PTPRN2: variants seen among roughly 807,000 people sequenced by gnomAD.
PTPRN2 encodes receptor-type tyrosine-protein phosphatase N2.
PTPRN2 carries 74 observed loss-of-function variants against 118.8 expected under a neutral mutation model. The ratio of observed to expected loss-of-function variants is 0.62; its 90% confidence interval spans 0.52 to 0.76. The LOEUF is 0.76. PTPRN2 is among the 30% of genes least tolerant of loss of function. The probability of loss-of-function intolerance (pLI) is 0.00; values close to 1 mark genes in which losing one functional copy is unlikely to be tolerated. For synonymous variants in PTPRN2, 641 were observed against 608.0 expected (o/e 1.05, Z -0.80); for missense variants, 1,481 against 1,394.4 (o/e 1.06, Z -0.99).
intron 11 of PTPRN2, among the ~76,000 whole-genome samples, chr7:157,916,670 C>A (rs569399723): frequency 1.3e-5 from 2 of 152,350 alleles, no homozygotes; most frequent in South Asian, 2.1e-4. Context: ...TAAGCGTGGC[C>A]TCGAGGAGAT....
At chr7:158,480,905 C>T (rs372823667) in intron 2 of PTPRN2, among the ~76,000 whole-genome samples, 1 of 152,256 alleles carries the variant, frequency 6.6e-6, no homozygotes, top group East Asian at 1.9e-4. Flanking sequence ...CATAACATAA[C>T]AGTGTAAGGT....
chr7:157,950,537 A>T (rs1222849803), intron 11 of PTPRN2, among the ~76,000 whole-genome samples: 2 of 151,870 alleles, frequency 1.3e-5, no homozygotes, highest in Non-Finnish European at 2.9e-5. Context: ...CAGATATGTA[A>T]TGGGTTATTT....
intron 4 of PTPRN2, among the ~76,000 whole-genome samples, chr7:158,200,040 T>A (rs1826511880): frequency 6.6e-6 from 1 of 151,706 alleles, no homozygotes; most frequent in African/African-American, 2.4e-5. Context: ...CGAGCCACAA[T>A]CCACGTATGA....
intron 3 of PTPRN2, among the ~76,000 whole-genome samples, chr7:158,307,402 GA>G (rs952501880): frequency 6.7e-6 from 1 of 149,938 alleles, no homozygotes; most frequent in East Asian, 2.0e-4. Flanking sequence ...CTGAGGAACA[GA>G]AAAAAAAAGA....
At chr7:158,501,080 T>C (rs1822326016) in intron 1 of PTPRN2, among the ~76,000 whole-genome samples, 1 of 152,248 alleles carries the variant, frequency 6.6e-6, no homozygotes, top group Admixed American at 6.5e-5. Flanking sequence ...GTAATGGGAA[T>C]GTTATCAGCT....
intron 21 of PTPRN2, among the ~76,000 whole-genome samples, chr7:157,563,739 C>T (rs1585037005): frequency 6.8e-6 from 1 of 147,334 alleles, no homozygotes; most frequent in Admixed American, 6.7e-5. Flanking sequence ...GGACCACGTG[C>T]TCCCACATCA....
intron 2 of PTPRN2, among the ~76,000 whole-genome samples, chr7:158,361,969 T>TCC: frequency 6.6e-6 from 1 of 152,176 alleles, no homozygotes; most frequent in East Asian, 1.9e-4. Context: ...TCTCCTCCCT[T>TCC]CGTTTCTTGG....
In PTPRN2 at chr7:158,165,217, C is replaced by G. The variant is rs532169469; in HGVS notation, c.910+1714G>C. On this transcript the variant is annotated intron_variant, in intron 6 of 22. Transcript: ENST00000389418. ...GAGGCAGTGAAGACCCTGATGGTGT[C>G]TAGTACCCACGCAAGTGCAGGAGGC... Among the ~76,000 whole-genome samples, 17 of 152,320 alleles carry G rather than the reference C, an allele frequency of 1.1e-4. 3 individuals are homozygous for G. Among genetic ancestry groups the G allele is most frequent in the African/African-American group, 3.1e-4 (13 of 41,570 alleles).
chr7:158,358,028 C>T (rs953886380), intron 2 of PTPRN2, among the ~76,000 whole-genome samples: 13 of 152,186 alleles, frequency 8.5e-5, no homozygotes, highest in African/African-American at 3.1e-4. Context: ...TCTCTCTGGC[C>T]CTCCCACAAG....
At chr7:158,320,518 G>A (rs1016169026) in intron 2 of PTPRN2, among the ~76,000 whole-genome samples, 2 of 57,382 alleles carry the variant, frequency 3.5e-5, no homozygotes, top group Non-Finnish European at 8.0e-5. Flanking sequence ...ATCCTCAGCA[G>A]CGCCAGGTGG....
At chr7:157,840,291 GTGAC>G (rs1808307055) in intron 12 of PTPRN2, among the ~76,000 whole-genome samples, 1 of 137,584 alleles carries the variant, frequency 7.3e-6, no homozygotes, top group South Asian at 2.9e-4. Flanking sequence ...GTGTGACCGT[GTGAC>G]TGTGTGACTG....
chr7:158,267,976 G>A (rs1020688888), intron 3 of PTPRN2, among the ~76,000 whole-genome samples: 8 of 152,166 alleles, frequency 5.3e-5, no homozygotes, highest in Non-Finnish European at 8.8e-5. Context: ...CCATTTAAAC[G>A]CACACTGGGT....
At chr7:158,133,272 C>G (rs1417797066) in intron 9 of PTPRN2, among the ~76,000 whole-genome samples, 3 of 152,218 alleles carry the variant, frequency 2.0e-5, no homozygotes, top group Non-Finnish European at 4.4e-5. Flanking sequence ...CCCGCATTCC[C>G]GCGCGGGCCG....
At chr7:157,687,867 C>T (rs1797271819) in intron 12 of PTPRN2, among the ~76,000 whole-genome samples, 1 of 152,192 alleles carries the variant, frequency 6.6e-6, no homozygotes, top group African/African-American at 2.4e-5. Context: ...GTTAACGGAA[C>T]TACTTTTAAT....
intron 12 of PTPRN2, among the ~76,000 whole-genome samples, chr7:157,747,648 C>G (rs1801070901): frequency 7.8e-6 from 1 of 128,458 alleles, no homozygotes. Context: ...GCGGGTGATT[C>G]TGAGGCCTGC....
chr7:157,752,882 G>A (rs1009651303), intron 12 of PTPRN2, among the ~76,000 whole-genome samples: 42 of 152,376 alleles, frequency 2.8e-4, no homozygotes, highest in African/African-American at 1.0e-3. Flanking sequence ...CAGCAGCCAC[G>A]CCGCCTTTCA....
In PTPRN2 at chr7:157,785,637, G is replaced by A. The variant is rs553638856; in HGVS notation, c.1789-102700C>T. On this transcript the variant is annotated intron_variant, in intron 12 of 22. Transcript: ENST00000389418. The surrounding 1 kb of genome is among the most constrained non-coding windows in gnomAD (Gnocchi z 7.3). ...ACCAGGGTCCCTGCTTTCTGCAGAC[G>A]GTGGGCAGAGGGCAGAGACGGAGAC... is the stretch of plus-strand genomic sequence containing the variant. 6.6e-6 allele frequency among the ~76,000 whole-genome samples: 1 copy of A among 152,198 alleles called. No individual in the cohort carries two copies. Among genetic ancestry groups the A allele is most frequent in the African/African-American group, 2.4e-5 (1 of 41,456 alleles).
rs944295221 is a variant in PTPRN2 at position 158,486,508 on chromosome 7, T to C, written c.163+3227A>G. ...CCATGTAACAGCATCTAAACTCTCTTTTCTACAAGCTGTTCCAGGATTATG... is the reference window on the plus strand; with the variant it reads ...CCATGTAACAGCATCTAAACTCTCTCTTCTACAAGCTGTTCCAGGATTATG... On this transcript the variant is annotated intron_variant, in intron 2 of 22. Transcript: ENST00000389418. Among the ~76,000 whole-genome samples the C allele has an allele frequency of 2.0e-5, 3 of 152,238 alleles. No homozygotes were observed. In the East Asian group the frequency reaches 5.8e-4, roughly 29 times the overall value.
At position 158,070,428 on chromosome 7, in the gene PTPRN2, T is replaced by C. The variant is rs1398916391; in HGVS notation, c.1723+10870A>G. Among the ~76,000 whole-genome samples, 164 of 118,694 alleles carry C rather than the reference T, an allele frequency of 1.4e-3. 1 individual carries two copies. Among genetic ancestry groups the C allele is most frequent in the South Asian group, 4.4e-3 (15 of 3,374 alleles). The allele number at this position is 118,694 out of a possible 152,430, so 77.9% of individuals were successfully genotyped here. A position where few individuals can be genotyped will look rare whatever the true frequency, so the allele number is the denominator to read the frequency against. Reference sequence around the variant, plus strand: ...GTGGACGTGCTCGTGGTGGTGGTGCTCGTGGTGGTGGAGGTGCCCGTGGTG... The same window carrying C: ...GTGGACGTGCTCGTGGTGGTGGTGCCCGTGGTGGTGGAGGTGCCCGTGGTG... On this transcript the variant is annotated intron_variant, in intron 11 of 22. Coordinates refer to ENST00000389418, the MANE Select transcript of PTPRN2 (RefSeq NM_002847.5).
Sources: gnomAD v4.1 joint callset for allele counts (sites outside exome capture counted in the v4.1 genomes callset) on GRCh38, gnomAD v4.1.1 for gene constraint, Gnocchi (gnomAD v3.1) non-coding constraint, MANE v1.5 for transcripts, NCBI Gene and HGNC (gene_info 2026-07-23, HGNC 2026-07-21) for gene names.